The following PARP10 variants were observed in gnomAD, a reference collection of about 807,000 sequenced individuals.
PARP10 encodes poly(ADP-ribose) polymerase family member 10.
A neutral mutation model predicts 82.4 loss-of-function variants in PARP10; 56 were observed. That is an observed-to-expected ratio of 0.68 (90% CI 0.55 to 0.85). PARP10 has a LOEUF of 0.85. Among genes scored for constraint, PARP10 ranks in the 40% least tolerant of loss-of-function variants. The pLI is 0.00. For missense variants in PARP10, 1,227 were observed against 1,379.4 expected (o/e 0.89, Z 1.75); for synonymous variants, 576 against 601.1 (o/e 0.96, Z 0.61).
chr8:143,985,986 G>A lies in PARP10; in HGVS notation c.182-11C>T, dbSNP rs781858134. The A allele has an allele frequency of 3.8e-6, 6 of 1,594,826 alleles. No individual in the cohort carries two copies. The Admixed American group carries it at 8.4e-5, about 22-fold the overall frequency. On this transcript the variant is annotated splice_polypyrimidine_tract_variant and intron_variant, in intron 2 of 10. Coordinates refer to ENST00000313028, the MANE Select transcript of PARP10 (RefSeq NM_032789.5). ...AGACCCTCTCGGCGTCTGTGGGCAG[G>A]GGCGGGGCAGGATGTCAGGCATTAG...
At chr8:143,989,338 G>A (rs1834050941), upstream of PARP10, among the ~76,000 whole-genome samples, 1 of 152,252 alleles carries the variant, frequency 6.6e-6, no homozygotes, top group Non-Finnish European at 1.5e-5. This position sits in a 1 kb window ranked among gnomAD's most constrained non-coding sequence, Gnocchi z 4.3. Flanking sequence ...TTGTGAGGAC[G>A]TTAGGCAGAC....
At chr8:144,012,694 C>A in exon 1 of PARP10, 1 of 1,551,652 alleles carries the variant, frequency 6.4e-7, no homozygotes, top group Admixed American at 2.0e-5. Flanking sequence ...CTTGGTGAGG[C>A]AACAGCAGGC....
chr8:143,992,972 T>A, upstream of PARP10: 6 of 730,544 alleles, frequency 8.2e-6, no homozygotes, highest in Non-Finnish European at 1.1e-5. Context: ...GATGCCTCTC[T>A]CCAACCCTCC....
chr8:143,998,941 C>A (rs1168885442), intron 1 of PARP10, among the ~76,000 whole-genome samples: 1 of 125,324 alleles, frequency 8.0e-6, no homozygotes, highest in Non-Finnish European at 1.7e-5. Flanking sequence ...CAGAGTGAGA[C>A]CCTGTTTAAA....
intron 1 of PARP10, among the ~76,000 whole-genome samples, chr8:144,009,228 G>T (rs1318676348): frequency 6.6e-6 from 1 of 152,112 alleles, no homozygotes; most frequent in Non-Finnish European, 1.5e-5. Flanking sequence ...ATCTGGACTT[G>T]GCCAAACCAC....
chr8:143,989,176 C>T (rs1834048734), upstream of PARP10, among the ~76,000 whole-genome samples: 1 of 152,214 alleles, frequency 6.6e-6, no homozygotes, highest in African/African-American at 2.4e-5. This position sits in a 1 kb window ranked among gnomAD's most constrained non-coding sequence, Gnocchi z 4.3. Context: ...GGCGGGAGGG[C>T]AGGTGGGGTC....
upstream of PARP10, chr8:143,990,151 G>C (rs1834067290): frequency 6.6e-6 from 1 of 150,682 alleles, no homozygotes; most frequent in South Asian, 2.1e-4. The surrounding 1 kb of genome is among the most constrained non-coding windows in gnomAD (Gnocchi z 5.6). Flanking sequence ...ATCACCGCGC[G>C]GCCGCGCAGC....
upstream of PARP10, chr8:143,991,250 G>A (rs782280910): frequency 6.4e-7 from 1 of 1,574,444 alleles, no homozygotes; most frequent in Non-Finnish European, 8.6e-7. Flanking sequence ...GTTTTTTGGT[G>A]TCTGGGGACA....
At position 143,977,263 on chromosome 8, in the gene PARP10, T is replaced by C; in HGVS notation, c.*221A>G. On this transcript the variant is annotated 3_prime_UTR_variant, in exon 11 of 11. Transcript: ENST00000313028. ...GGGCGGGCGGTGTCGCCTCCTGGGC[T>C]CTGCTGACCCCTGGTGGTGGGGTCG... 1.8e-6 allele frequency: 1 copy of C among 556,688 alleles called. No individual in the cohort carries two copies. The highest frequency in any genetic ancestry group is 2.5e-5 in the South Asian group (1 of 39,232). 34.5% of individuals were successfully genotyped at this position (556,688 alleles called of 1,614,324 possible). A position where few individuals can be genotyped will look rare whatever the true frequency, so the allele number is the denominator to read the frequency against.
At position 143,984,719 on chromosome 8, in the gene PARP10, C is replaced by T; in HGVS notation, c.1283G>A (p.Gly428Glu). ...CTTCACACATCCTGGGCTCACAGGC[C>T]CTGCCTTCTCCAGAGACCCCATGGT... ...EITMGSLEKA[G>E]PVSPGCVKLA... Residue 428 changes from glycine (G) to glutamate (E), a missense_variant, in exon 5 of 11, where the codon GGG (glycine) becomes GAG (glutamate). By Grantham distance (98) the Gly-to-Glu change is moderately conservative. Transcript: ENST00000313028. 1.2e-6 allele frequency: 2 copies of T among 1,613,814 alleles called. No homozygotes were observed. The highest frequency in any genetic ancestry group is 1.7e-6 in the Non-Finnish European group (2 of 1,179,882).
chr8:144,012,432 C>G, intron 1 of PARP10: 1 of 1,242,586 alleles, frequency 8.0e-7, no homozygotes, highest in Non-Finnish European at 1.1e-6. Context: ...CACCCTCCTT[C>G]AGCCCAGGCA....
chr8:144,010,789 G>A (rs1162836514), intron 1 of PARP10, among the ~76,000 whole-genome samples: 1 of 152,136 alleles, frequency 6.6e-6, no homozygotes, highest in African/African-American at 2.4e-5. Flanking sequence ...GGAGGCTGAG[G>A]CAGCAGGATC....
chr8:143,983,001 C>T lies in PARP10; in HGVS notation c.2487G>A (p.Glu829=). 6.2e-7 allele frequency: 1 copy of T among 1,613,962 alleles called. No individual in the cohort carries two copies. Among genetic ancestry groups the T allele is most frequent in the African/African-American group, 1.3e-5 (1 of 75,074 alleles). Residue 829 remains glutamate (E), a synonymous_variant, in exon 9 of 11, where the codon GAG becomes GAA. Coordinates refer to ENST00000313028, the MANE Select transcript of PARP10 (RefSeq NM_032789.5). ...AGAAGGCCCGCACCACCTCCTGGAA[C>T]TCCCCGGTGTTCTCTGCCAGACGCT... is the stretch of plus-strand genomic sequence containing the variant. The part of the protein sequence containing the change: ...NLERLAENTG[E]FQEVVRAFYD...
At chr8:143,996,153 G>A (rs529927055) in intron 1 of PARP10, among the ~76,000 whole-genome samples, 4 of 152,338 alleles carry the variant, frequency 2.6e-5, no homozygotes, top group East Asian at 3.9e-4. Flanking sequence ...AGCCACGGGC[G>A]TGTTCAAGCA....
In PARP10 at chr8:143,985,903, G is replaced by A; in HGVS notation, c.254C>T (p.Pro85Leu). 1.3e-6 allele frequency: 2 copies of A among 1,583,400 alleles called. No homozygotes were observed. Among genetic ancestry groups the A allele is most frequent in the Non-Finnish European group, 8.6e-7 (1 of 1,161,374 alleles). Reference sequence around the variant, plus strand: ...GAGCAGCAGGCGTGCAGGGGCTCGTGGTGGAGCTGGCCGCAGGCTCAGCTG... The same window carrying A: ...GAGCAGCAGGCGTGCAGGGGCTCGTAGTGGAGCTGGCCGCAGGCTCAGCTG... ...GAQLSLRPAP[P>L]RAPARLLLQG... Residue 85 changes from proline (P) to leucine (L), a missense_variant, in exon 3 of 11, where the codon CCA (proline) becomes CTA (leucine). Pro to Leu is a moderately conservative substitution (Grantham distance 98). Coordinates refer to ENST00000313028, the MANE Select transcript of PARP10 (RefSeq NM_032789.5).
At chr8:143,992,103 T>A, upstream of PARP10, 1 of 1,611,422 alleles carries the variant, frequency 6.2e-7, no homozygotes, top group Non-Finnish European at 8.5e-7. Flanking sequence ...TGAGCCTCTG[T>A]GCCTGGGTCC....
At chr8:144,002,511 C>T (rs1226957362) in intron 1 of PARP10, among the ~76,000 whole-genome samples, 1 of 151,932 alleles carries the variant, frequency 6.6e-6, no homozygotes, top group Non-Finnish European at 1.5e-5. Context: ...GGGGACTAGC[C>T]CTGATATCAG....
At chr8:143,994,026 C>T (rs1007411264), upstream of PARP10, among the ~76,000 whole-genome samples, 1 of 152,224 alleles carries the variant, frequency 6.6e-6, no homozygotes, top group African/African-American at 2.4e-5. Flanking sequence ...TGCAGGGGGT[C>T]CCTCCATTGC....
upstream of PARP10, among the ~76,000 whole-genome samples, chr8:143,994,044 C>T (rs1834142432): frequency 6.6e-6 from 1 of 152,218 alleles, no homozygotes; most frequent in South Asian, 2.1e-4. Flanking sequence ...TGCCTGGGAC[C>T]TGGCTGGTCT....
Sources: allele counts gnomAD v4.1 joint callset (sites outside exome capture counted in the v4.1 genomes callset), GRCh38; gene constraint gnomAD v4.1.1; non-coding constraint Gnocchi (gnomAD v3.1); transcripts MANE v1.5; gene names NCBI Gene and HGNC (gene_info 2026-07-23, HGNC 2026-07-21).